Variants in CPNE1 observed in about 807,000 individuals in gnomAD.
The protein encoded by CPNE1 is copine 1, also known as copine-1.
A neutral mutation model predicts 63.2 loss-of-function variants in CPNE1; 58 were observed. The ratio of observed to expected loss-of-function variants is 0.92; its 90% confidence interval spans 0.74 to 1.14. The LOEUF is 1.14. CPNE1 is among the 50% of genes most tolerant of loss of function. The pLI is 0.00. For missense variants in CPNE1, 672 were observed against 661.7 expected, an observed-to-expected ratio of 1.02 and a Z score of -0.17; for synonymous variants, 237 against 249.0, an observed-to-expected ratio of 0.95 and a Z score of 0.45.
At chr20:35,659,075 G>A (rs553950336) in intron 1 of CPNE1, 1 of 706,306 alleles carries the variant, frequency 1.4e-6, no homozygotes, top group East Asian at 2.7e-5. Flanking sequence ...AACACGCACA[G>A]GCCACACTGT....
chr20:35,638,562 T>A (rs978037981), intron 1 of CPNE1, among the ~76,000 whole-genome samples: 1 of 152,212 alleles, frequency 6.6e-6, no homozygotes, highest in Admixed American at 6.5e-5. Flanking sequence ...AAGCATTAAA[T>A]GTACCACTTT....
intron 13 of CPNE1, among the ~76,000 whole-genome samples, chr20:35,629,063 T>C (rs1452788540): frequency 6.6e-6 from 1 of 152,220 alleles, no homozygotes; most frequent in Non-Finnish European, 1.5e-5. Context: ...TGTGTGTATA[T>C]GTATACATGT....
intron 1 of CPNE1, among the ~76,000 whole-genome samples, chr20:35,635,183 T>C (rs759883398): frequency 1.9e-4 from 29 of 152,164 alleles, no homozygotes; most frequent in Non-Finnish European, 4.1e-4. Flanking sequence ...TATACATATA[T>C]ATATAAAGGC....
intron 1 of CPNE1, among the ~76,000 whole-genome samples, chr20:35,640,854 TGA>T (rs1332082594): frequency 6.6e-6 from 1 of 152,180 alleles, no homozygotes; most frequent in African/African-American, 2.4e-5. Flanking sequence ...ACTGAGACAC[TGA>T]GAGAAGTAGG....
In CPNE1 at chr20:35,630,985, G is replaced by A. The variant is rs368463175; in HGVS notation, c.911C>T (p.Ser304Phe). The change falls in exon 11 of 16, where the codon TCC becomes TTC. Residue 304 changes from serine (S) to phenylalanine (F), a missense_variant. Ser to Phe is a radical substitution (Grantham distance 155). Transcript: ENST00000397443. ...CCCTGTTGGACTCAGGTAGTGTAGG[G>A]AGTCAGGTGAGGAGGGGTCTCCATT... ...GSNGDPSSPD[S>F]LHYLSPTGVN... 21 of 1,614,048 alleles carry A rather than the reference G, an allele frequency of 1.3e-5. No homozygotes were observed. The highest frequency in any genetic ancestry group is 1.6e-5 in the Non-Finnish European group (19 of 1,180,020).
intron 1 of CPNE1, chr20:35,653,389 C>G (rs2033676491): frequency 6.2e-7 from 1 of 1,614,182 alleles, no homozygotes; most frequent in South Asian, 1.1e-5. Context: ...TGCAGGATTA[C>G]CTGGCACAGG....
intron 13 of CPNE1, among the ~76,000 whole-genome samples, chr20:35,628,518 C>G (rs1306055740): frequency 2.6e-5 from 4 of 152,134 alleles, no homozygotes; most frequent in African/African-American, 9.7e-5. Flanking sequence ...ATATGATGCA[C>G]TGAGAATATA....
intron 1 of CPNE1, among the ~76,000 whole-genome samples, chr20:35,648,622 C>CAAGCT (rs1462036632): frequency 6.6e-6 from 1 of 152,192 alleles, no homozygotes; most frequent in African/African-American, 2.4e-5. Context: ...AATTCTAATA[C>CAAGCT]AAGCTAAACT....
At chr20:35,648,244 A>G (rs980805550) in intron 1 of CPNE1, among the ~76,000 whole-genome samples, 1 of 152,190 alleles carries the variant, frequency 6.6e-6, no homozygotes, top group Non-Finnish European at 1.5e-5. Context: ...TAAAAAGATA[A>G]GACTGAAATA....
intron 1 of CPNE1, among the ~76,000 whole-genome samples, chr20:35,635,059 AC>A (rs1038446344): frequency 2.0e-5 from 3 of 151,486 alleles, no homozygotes; most frequent in Admixed American, 6.6e-5. Context: ...GTTTGTTTCT[AC>A]CCCAAACACT....
At chr20:35,626,907 GC>G in intron 14 of CPNE1, 104 bp from the exon 15 acceptor site, 1 of 980,754 alleles carries the variant, frequency 1.0e-6, no homozygotes, top group South Asian at 1.4e-5. Context: ...CTTGTTACAG[GC>G]CGGGTGCGAT....
rs770719685 is a variant in CPNE1, at chr20:35,630,938, G to C, written c.958C>G (p.Leu320Val). The change falls in exon 11 of 16, where the codon CTG (leucine) becomes GTG (valine). Residue 320 changes from leucine (L) to valine (V), a missense_variant. By Grantham distance (32) the Leu-to-Val change is conservative. Transcript: ENST00000397443. ...TGAACCACGCTGCCCACACTCCACA[G>C]TGCCATCAGGTACTCATTGACCCCT... The part of the protein sequence containing the change: ...PTGVNEYLMA[L>V]WSVGSVVQDY... The C allele has an allele frequency of 1.9e-6, 3 of 1,613,112 alleles. No homozygotes were observed. Among genetic ancestry groups the C allele is most frequent in the Non-Finnish European group, 2.5e-6 (3 of 1,179,418 alleles).
At position 35,626,235 on chromosome 20, in the gene CPNE1, G is replaced by A. The variant is rs199661635; in HGVS notation, c.*6C>T. 7.0e-5 allele frequency: 113 copies of A among 1,613,996 alleles called. 1 individual carries two copies. The highest frequency in any genetic ancestry group is 7.6e-6 in the Non-Finnish European group (9 of 1,180,014). The stretch of plus-strand genomic sequence containing the variant: ...ATTGAGGACTTGCCACAGCCTCCAA[G>A]GGAACCTAGGCCTGGGGGGCCTGTG... On this transcript the variant is annotated 3_prime_UTR_variant, in exon 16 of 16. Coordinates refer to ENST00000397443, the MANE Select transcript of CPNE1 (RefSeq NM_152925.3).
At position 35,653,120 on chromosome 20, in the gene CPNE1, G is replaced by A. The variant is rs773141821; in HGVS notation, c.-1+11640C>T. On this transcript the variant is annotated intron_variant, in intron 1 of 15. Coordinates refer to ENST00000397443, the MANE Select transcript of CPNE1 (RefSeq NM_152925.3). ...CCTAATCCTGGAGGAGGGATTGGTG[G>A]CCCAAAGGCATTTGATCCACCAAAA... 1.2e-6 allele frequency: 2 copies of A among 1,613,714 alleles called. No individual in the cohort carries two copies. Among genetic ancestry groups the A allele is most frequent in the South Asian group, 2.2e-5 (2 of 91,080 alleles).
At chr20:35,658,805 AC>A (rs1186860019) in intron 1 of CPNE1, 80 of 129,064 alleles carry the variant, frequency 6.2e-4, no homozygotes, top group African/African-American at 9.3e-4. Flanking sequence ...AAACAAAAAC[AC>A]ACACACACAC....
At chr20:35,663,799 C>T (rs2034373053) in intron 1 of CPNE1, among the ~76,000 whole-genome samples, 6 of 152,190 alleles carry the variant, frequency 3.9e-5, no homozygotes, top group Admixed American at 3.9e-4. Flanking sequence ...GGCGTCCAAC[C>T]CCGTCACTAA....
intron 1 of CPNE1, chr20:35,651,851 T>C (rs2033544517): frequency 6.6e-6 from 1 of 152,640 alleles, no homozygotes; most frequent in African/African-American, 2.4e-5. Context: ...AATCAAAGTT[T>C]GAGGTTATAG....
chr20:35,626,861 A>G (rs758027181), intron 14 of CPNE1, 58 bp from the exon 15 acceptor site: 1 of 1,355,064 alleles, frequency 7.4e-7, no homozygotes, highest in African/African-American at 1.4e-5. Context: ...CCCTGCAAAC[A>G]CCCCAGCCAC....
At chr20:35,641,705 TCTCA>T in intron 1 of CPNE1, among the ~76,000 whole-genome samples, 1 of 152,312 alleles carries the variant, frequency 6.6e-6, no homozygotes, top group East Asian at 1.9e-4. Flanking sequence ...GCACTCAACT[TCTCA>T]CTCTGGACCA....
Sources: allele counts gnomAD v4.1 joint callset (sites outside exome capture counted in the v4.1 genomes callset), GRCh38; gene constraint gnomAD v4.1.1; transcripts MANE v1.5; gene names NCBI Gene and HGNC (gene_info 2026-07-23, HGNC 2026-07-21).